The following PTPRD variants were observed in gnomAD, a reference collection of about 807,000 sequenced individuals.
PTPRD encodes the protein receptor-type tyrosine-protein phosphatase delta.
In PTPRD, 34 loss-of-function variants were observed where a neutral mutation model predicts 214.5. That is an observed-to-expected ratio of 0.16 (90% CI 0.12 to 0.21). The LOEUF (loss-of-function observed/expected upper bound fraction) is 0.21. Ranked by LOEUF, PTPRD falls within the 10% of genes least tolerant of loss-of-function variation. The probability of loss-of-function intolerance (pLI) is 1.00; values close to 1 mark genes in which losing one functional copy is unlikely to be tolerated. For synonymous variants in PTPRD, 1,128 were observed against 845.7 expected (o/e 1.33, Z -5.79); for missense variants, 2,545 against 2,398.7 (o/e 1.06, Z -1.27).
At chr9:8,703,865 C>T (rs189307579) in intron 12 of PTPRD, among the ~76,000 whole-genome samples, 283 of 152,160 alleles carry the variant, frequency 1.9e-3, no homozygotes, top group Non-Finnish European at 2.9e-3. Context: ...TCAATATGTC[C>T]CAAACCGAGC....
intron 2 of PTPRD, among the ~76,000 whole-genome samples, chr9:10,516,786 C>T (rs1242294880): frequency 1.3e-5 from 2 of 151,724 alleles, no homozygotes; most frequent in African/African-American, 4.8e-5. Context: ...TATTATTTTG[C>T]ATTTGAATAT....
At chr9:9,056,560 G>T (rs1213694910) in intron 10 of PTPRD, among the ~76,000 whole-genome samples, 1 of 152,166 alleles carries the variant, frequency 6.6e-6, no homozygotes, top group East Asian at 1.9e-4. Context: ...TGACGTTGAT[G>T]GTAAATTTGT....
At chr9:10,037,934 G>A (rs1437467751) in intron 3 of PTPRD, among the ~76,000 whole-genome samples, 1 of 152,098 alleles carries the variant, frequency 6.6e-6, no homozygotes, top group East Asian at 1.9e-4. Flanking sequence ...CTCTCAAAAA[G>A]TAGTTTAATT....
At chr9:9,535,375 A>G (rs1472431795) in intron 8 of PTPRD, among the ~76,000 whole-genome samples, 1 of 152,136 alleles carries the variant, frequency 6.6e-6, no homozygotes, top group Non-Finnish European at 1.5e-5. Flanking sequence ...AAAAGACAGC[A>G]TAACACATGA....
At chr9:9,693,592 C>T (rs2154405825) in intron 7 of PTPRD, among the ~76,000 whole-genome samples, 1 of 152,192 alleles carries the variant, frequency 6.6e-6, no homozygotes, top group South Asian at 2.1e-4. Context: ...AGTATGCTTG[C>T]TGTTCTATAA....
chr9:9,508,566 T>C (rs767460077), intron 8 of PTPRD, among the ~76,000 whole-genome samples: 5 of 151,758 alleles, frequency 3.3e-5, no homozygotes, highest in Non-Finnish European at 7.4e-5. Context: ...TTTCTCCTCT[T>C]ACATTTTTGA....
At chr9:9,887,657 G>C (rs1030382688) in intron 5 of PTPRD, among the ~76,000 whole-genome samples, 2 of 152,106 alleles carry the variant, frequency 1.3e-5, no homozygotes, top group Non-Finnish European at 2.9e-5. Context: ...ATGAGGCGTA[G>C]TAGAAAAACA....
intron 3 of PTPRD, among the ~76,000 whole-genome samples, chr9:10,160,264 T>C (rs995103826): frequency 2.0e-4 from 30 of 152,030 alleles, no homozygotes; most frequent in African/African-American, 7.2e-4. Flanking sequence ...TTGAATACAT[T>C]CCTGGGCACA....
intron 8 of PTPRD, among the ~76,000 whole-genome samples, chr9:9,420,361 G>C (rs1344106649): frequency 4.6e-5 from 7 of 151,748 alleles, no homozygotes; most frequent in African/African-American, 1.2e-4. Flanking sequence ...AAAATAGGTA[G>C]TAAAGGATTT....
chr9:8,745,899 G>T (rs1055675848), intron 11 of PTPRD, among the ~76,000 whole-genome samples: 3 of 151,928 alleles, frequency 2.0e-5, no homozygotes, highest in Non-Finnish European at 4.4e-5. Flanking sequence ...CTGGGCTCAA[G>T]CTATCCTCCC....
At chr9:8,729,479 G>A (rs553751503) in intron 12 of PTPRD, among the ~76,000 whole-genome samples, 57 of 151,942 alleles carry the variant, frequency 3.8e-4, no homozygotes, top group Admixed American at 6.5e-4. Context: ...TGCTTCACAC[G>A]TGCTCAATAA....
chr9:10,037,539 T>C (rs184341397), intron 3 of PTPRD, among the ~76,000 whole-genome samples: 1 of 150,998 alleles, frequency 6.6e-6, no homozygotes, highest in East Asian at 2.0e-4. Context: ...ACCTCTTTTA[T>C]TTATAAATTA....
chr9:9,227,278 A>C (rs1483082266), intron 9 of PTPRD, among the ~76,000 whole-genome samples: 1 of 151,976 alleles, frequency 6.6e-6, no homozygotes, highest in Non-Finnish European at 1.5e-5. Context: ...CTAAGATCCT[A>C]GTTTCATGTA....
intron 11 of PTPRD, among the ~76,000 whole-genome samples, chr9:8,953,152 C>G (rs2099112506): frequency 6.6e-6 from 1 of 151,674 alleles, no homozygotes; most frequent in Non-Finnish European, 1.5e-5. Flanking sequence ...ACAAGGGTGA[C>G]TAAGCAGTTT....
chr9:8,852,699 A>T (rs1010517284), intron 11 of PTPRD, among the ~76,000 whole-genome samples: 1 of 152,210 alleles, frequency 6.6e-6, no homozygotes, highest in African/African-American at 2.4e-5. Context: ...TTACTTATCT[A>T]TGACACATAG....
At chr9:10,456,939 T>G (rs1045238866) in intron 2 of PTPRD, among the ~76,000 whole-genome samples, 1 of 151,914 alleles carries the variant, frequency 6.6e-6, no homozygotes, top group Admixed American at 6.6e-5. Context: ...GAAGCACATT[T>G]TTTCTTTAAA....
chr9:8,931,767 A>T (rs201190654), intron 11 of PTPRD, among the ~76,000 whole-genome samples: 5 of 152,058 alleles, frequency 3.3e-5, no homozygotes, highest in Non-Finnish European at 7.4e-5. Context: ...ACCTCTGGTA[A>T]AATTCGGCTA....
chr9:8,940,261 A>ATC (rs112253790), intron 11 of PTPRD, among the ~76,000 whole-genome samples: 401 of 38,756 alleles, frequency 0.01, 32 homozygotes, highest in East Asian at 0.01. Context: ...CATTTCACAC[A>ATC]TCTCTCTCTC....
At chr9:10,403,501 G>A (rs1433082525) in intron 2 of PTPRD, among the ~76,000 whole-genome samples, 1 of 151,312 alleles carries the variant, frequency 6.6e-6, no homozygotes, top group African/African-American at 2.4e-5. Flanking sequence ...GCCAGGATGT[G>A]CATTAACATG....
Sources: gnomAD v4.1 joint callset for allele counts (sites outside exome capture counted in the v4.1 genomes callset) on GRCh38, gnomAD v4.1.1 for gene constraint, MANE v1.5 for transcripts, NCBI Gene and HGNC (gene_info 2026-07-23, HGNC 2026-07-21) for gene names.